The following CEP170B variants were observed in gnomAD, a reference collection of about 807,000 sequenced individuals.
CEP170B encodes centrosomal protein 170B.
Under a neutral mutation model 120.6 loss-of-function variants are expected in CEP170B, and 55 were observed. That is an observed-to-expected ratio of 0.46 (90% CI 0.37 to 0.57). The LOEUF is 0.57. CEP170B is among the 20% of genes least tolerant of loss of function. The pLI is 0.00. For missense variants in CEP170B, 2,212 were observed against 2,253.3 expected, an observed-to-expected ratio of 0.98 and a Z score of 0.37; for synonymous variants, 1,033 against 954.5, an observed-to-expected ratio of 1.08 and a Z score of -1.52.
rs778584880 is a variant in CEP170B, at chr14:104,893,590, G to A, written c.4106G>A (p.Arg1369Gln). 1.6e-5 allele frequency: 26 copies of A among 1,603,316 alleles called. No homozygotes were observed. Among genetic ancestry groups the A allele is most frequent in the Admixed American group, 3.4e-5 (2 of 58,840 alleles). Reference protein sequence around the residue: ...QKVPPGSLNSRDFDQNMNDSC... With the variant: ...QKVPPGSLNSQDFDQNMNDSC... The stretch of plus-strand genomic sequence containing the variant: ...GTGCCGCCCGGCTCGCTGAACTCTC[G>A]GGACTTTGACCAGAACATGAACGAC... The change falls in exon 15 of 19, where the codon CGG becomes CAG. Residue 1369 changes from arginine (R) to glutamine (Q), a missense_variant. By Grantham distance (43) the Arg-to-Gln change is conservative. Transcript: ENST00000414716.
chr14:104,887,638 C>T lies in CEP170B; in HGVS notation c.3399C>T (p.Asp1133=), dbSNP rs1274914097. 4 of 1,557,004 alleles carry T rather than the reference C, an allele frequency of 2.6e-6. No homozygotes were observed. The highest frequency in any genetic ancestry group is 1.4e-5 in the African/African-American group (1 of 73,746). The change falls in exon 12 of 19, where the codon GAC becomes GAT. Residue 1133 remains aspartate (D), a synonymous_variant. Coordinates refer to ENST00000414716, the MANE Select transcript of CEP170B (RefSeq NM_001112726.3). The part of the protein sequence containing the change: ...ASRLRRARLG[D]ASDTEAADGE... Reference sequence around the variant, plus strand: ...GGCTGAGGCGGGCCCGGCTGGGGGACGCTTCAGACACTGAGGCTGCGGATG... The same window carrying T: ...GGCTGAGGCGGGCCCGGCTGGGGGATGCTTCAGACACTGAGGCTGCGGATG...
intron 6 of CEP170B, among the ~76,000 whole-genome samples, chr14:104,881,684 G>A (rs4983392): frequency 0.42 from 64,475 of 151,802 alleles, 16,518 homozygotes; most frequent in Middle Eastern, 0.66. Context: ...CCGTTAGAGC[G>A]AGGGCAGCAC....
rs1167588086 is a variant in CEP170B at position 104,895,756 on chromosome 14, CTG to C, written c.*800_*801del. On this transcript the variant is annotated 3_prime_UTR_variant, in exon 19 of 19. Transcript: ENST00000414716. ...TGTCCCCGTGAGGGGCTATGGGCCTCTGTAGGTGGGCTTCCAAGGTCCTGGGT... is the reference window on the plus strand; with the variant it reads ...TGTCCCCGTGAGGGGCTATGGGCCTCTAGGTGGGCTTCCAAGGTCCTGGGT... 6.6e-6 allele frequency: 1 copy of C among 152,608 alleles called. No individual in the cohort carries two copies. The highest frequency in any genetic ancestry group is 1.5e-5 in the Non-Finnish European group (1 of 68,212). 9.5% of individuals were successfully genotyped at this position (152,608 alleles called of 1,614,324 possible).
At position 104,887,327 on chromosome 14, in the gene CEP170B, GC is replaced by G. The variant is rs1896578499; in HGVS notation, c.3090del (p.Ile1031Ter). On this transcript the variant is annotated frameshift_variant, in exon 12 of 19. Coordinates refer to ENST00000414716, the MANE Select transcript of CEP170B (RefSeq NM_001112726.3). LOFTEE classifies it high-confidence loss of function. ...MGRGEPVRRS[A>X]IRRGHRPRGS... ...CCGTGGAGAGCCGGTACGGCGCTCA[GC>G]CATAAGGCGTGGCCACAGGCCCCGA... 6.2e-7 allele frequency: 1 copy of G among 1,611,054 alleles called. No homozygotes were observed. The highest frequency in any genetic ancestry group is 1.3e-5 in the African/African-American group (1 of 75,048).
intron 2 of CEP170B, among the ~76,000 whole-genome samples, chr14:104,872,390 G>C (rs1895590162): frequency 9.3e-6 from 1 of 107,378 alleles, no homozygotes; most frequent in African/African-American, 3.0e-5. Flanking sequence ...GTGCATGTGT[G>C]CCGTGGGTGT....
In CEP170B at chr14:104,865,609, G is replaced by A. The variant is rs1342151627; in HGVS notation, c.-28+96G>A. ...TCTCACGGGGCGCGGGGTCCCGGCC[G>A]AGGCCGGACAAAGGCGCGGGGGTTG... On this transcript the variant is annotated intron_variant, in intron 1 of 18. Transcript: ENST00000414716. This position sits in a 1 kb window ranked among gnomAD's most constrained non-coding sequence, Gnocchi z 6.7. The A allele has an allele frequency of 6.6e-6, 1 of 151,284 alleles. No homozygotes were observed. Among genetic ancestry groups the A allele is most frequent in the Admixed American group, 6.6e-5 (1 of 15,174 alleles). The allele number at this position is 151,284 out of a possible 1,614,324, so 9.4% of individuals were successfully genotyped here.
In CEP170B at chr14:104,896,580, T is replaced by C. The variant is rs1440692942; in HGVS notation, c.*1622T>C. ...TCCCCACACTGAGCTCCTTTGTTCC[T>C]CCCCCTCCAGCCTTTGCCTGGGAAC... is the stretch of plus-strand genomic sequence containing the variant. On this transcript the variant is annotated 3_prime_UTR_variant, in exon 19 of 19. Transcript: ENST00000414716. 2.2e-6 allele frequency: 1 copy of C among 455,622 alleles called. No homozygotes were observed. The highest frequency in any genetic ancestry group is 2.0e-5 in the African/African-American group (1 of 49,890). The allele number at this position is 455,622 out of a possible 1,614,324, so 28.2% of individuals were successfully genotyped here. A position where few individuals can be genotyped will look rare whatever the true frequency, so the allele number is the denominator to read the frequency against.
chr14:104,885,673 G>A lies in CEP170B; in HGVS notation c.1944+131G>A, dbSNP rs1896447451. On this transcript the variant is annotated intron_variant, in intron 10 of 18. Coordinates refer to ENST00000414716, the MANE Select transcript of CEP170B (RefSeq NM_001112726.3). ...CCTCTGAGGGACACGCTCAGAGGAG[G>A]GTGGGCTGGGGCTTCCATGAGGAGG... 4 of 1,245,916 alleles carry A rather than the reference G, an allele frequency of 3.2e-6. No homozygotes were observed. In the African/African-American group the frequency reaches 4.6e-5, roughly 14 times the overall value. The allele number at this position is 1,245,916 out of a possible 1,614,324, so 77.2% of individuals were successfully genotyped here.
Position 104,880,383 on chromosome 14 carries a change from T to A in CEP170B, c.430T>A (p.Ser144Thr). The change falls in exon 6 of 19, where the codon TCG becomes ACG. Residue 144 changes from serine to threonine, a missense_variant. By Grantham distance (58) the Ser-to-Thr change is moderately conservative. Transcript: ENST00000414716. ...GGAACACACACCATACTGCGAGGCC[T>A]CGAACCCCAGGCCGGAGAAGGGGGA... ...LPEHTPYCEA[S>T]NPRPEKGDRR... The A allele has an allele frequency of 6.2e-7, 1 of 1,612,578 alleles. No homozygotes were observed.
At position 104,867,771 on chromosome 14, in the gene CEP170B, T is replaced by C. The variant is rs529149368; in HGVS notation, c.-27-653T>C. On this transcript the variant is annotated intron_variant, in intron 1 of 18. Coordinates refer to ENST00000414716, the MANE Select transcript of CEP170B (RefSeq NM_001112726.3). This position sits in a 1 kb window ranked among gnomAD's most constrained non-coding sequence, Gnocchi z 5.4. ...TATGGGCACCAAAGCCTCACTTCCC[T>C]CTTGGGCACTGAAGGGGCTGCCTGA... Among the ~76,000 whole-genome samples, 2 of 152,132 alleles carry C rather than the reference T, an allele frequency of 1.3e-5. No homozygotes were observed. Among genetic ancestry groups the C allele is most frequent in the East Asian group, 1.9e-4 (1 of 5,172 alleles).
chr14:104,894,072 A>G, intron 16 of CEP170B: 2 of 651,530 alleles, frequency 3.1e-6, no homozygotes, highest in South Asian at 3.7e-5. Context: ...CTTCTCCCCT[A>G]GCCCTCATCC....
intron 2 of CEP170B, among the ~76,000 whole-genome samples, chr14:104,874,235 A>T (rs2140646361): frequency 6.6e-6 from 1 of 152,302 alleles, no homozygotes; most frequent in Admixed American, 6.5e-5. Flanking sequence ...GATGTCTGGC[A>T]TCACCCACCC....
Position 104,865,950 on chromosome 14 carries a change from T to A in CEP170B, c.-28+437T>A, listed in dbSNP as rs1376639015. On this transcript the variant is annotated intron_variant, in intron 1 of 18. Coordinates refer to ENST00000414716, the MANE Select transcript of CEP170B (RefSeq NM_001112726.3). This position sits in a 1 kb window ranked among gnomAD's most constrained non-coding sequence, Gnocchi z 6.7. ...TTTCCCTTCGCCGCCGTCTCCCCGC[T>A]GTCCCTGCCTCTCCCGGCCTGTGCG... Among the ~76,000 whole-genome samples, 1 of 152,088 alleles carries A rather than the reference T, an allele frequency of 6.6e-6. No homozygotes were observed. The highest frequency in any genetic ancestry group is 1.5e-5 in the Non-Finnish European group (1 of 68,000).
Position 104,886,660 on chromosome 14 carries a change from G to A in CEP170B, c.2421G>A (p.Val807=). The stretch of plus-strand genomic sequence containing the variant: ...TTGGGGACCAGAATGGGGACGCTGT[G>A]TTATCTAGGAAACCGCTTGCGGCTC... ...FFIGDQNGDA[V]LSRKPLAAPG... Residue 807 remains valine (V), a synonymous_variant, in exon 12 of 19, where the codon GTG becomes GTA. Transcript: ENST00000414716. 6.5e-7 allele frequency: 1 copy of A among 1,536,462 alleles called. No homozygotes were observed. Among genetic ancestry groups the A allele is most frequent in the Non-Finnish European group, 8.7e-7 (1 of 1,144,628 alleles).
Position 104,870,683 on chromosome 14 carries a change from G to A in CEP170B, c.105+2128G>A, listed in dbSNP as rs372125696. Among the ~76,000 whole-genome samples, 12 of 152,294 alleles carry A rather than the reference G, an allele frequency of 7.9e-5. No individual in the cohort carries two copies. Among genetic ancestry groups the A allele is most frequent in the African/African-American group, 2.9e-4 (12 of 41,536 alleles). ...GGTGCTCAGGGTGAGTTTGGGGTCCGATTCCGAGTTTCTGCACCTGTCAGT... is the reference window on the plus strand; with the variant it reads ...GGTGCTCAGGGTGAGTTTGGGGTCCAATTCCGAGTTTCTGCACCTGTCAGT... On this transcript the variant is annotated intron_variant, in intron 2 of 18. Transcript: ENST00000414716. The surrounding 1 kb of genome is among the most constrained non-coding windows in gnomAD (Gnocchi z 4.1).
chr14:104,887,109 ACACAGCCAG>A lies in CEP170B; in HGVS notation c.2874_2882del (p.Ala959_Thr961del), dbSNP rs1458796905. Reference sequence around the variant, plus strand: ...GCCCTGTCTGGGGACTCGGACGTGGACACAGCCAGCACCGTCAGCCTGCGTAGTGGCAAG... The same window carrying A: ...GCCCTGTCTGGGGACTCGGACGTGGACACCGTCAGCCTGCGTAGTGGCAAG... On this transcript the variant is annotated inframe_deletion, in exon 12 of 19. Coordinates refer to ENST00000414716, the MANE Select transcript of CEP170B (RefSeq NM_001112726.3). The A allele has an allele frequency of 6.2e-7, 1 of 1,611,138 alleles. No homozygotes were observed. The highest frequency in any genetic ancestry group is 8.5e-7 in the Non-Finnish European group (1 of 1,179,666).
intron 2 of CEP170B, among the ~76,000 whole-genome samples, chr14:104,872,533 T>C (rs2140638864): frequency 6.6e-6 from 1 of 151,914 alleles, no homozygotes; most frequent in Non-Finnish European, 1.5e-5. Context: ...TACATGTGCA[T>C]GTCTGTAGGT....
rs546073459 is a variant in CEP170B, at chr14:104,896,512, G to A, written c.*1554G>A. 8.2e-5 allele frequency: 37 copies of A among 450,014 alleles called. 1 individual carries two copies. The East Asian group carries it at 2.5e-3, about 30-fold the overall frequency. 27.9% of individuals were successfully genotyped at this position (450,014 alleles called of 1,614,324 possible). ...CATCCACGGCTCCTTCCCACCCCTC[G>A]GCAGTGGCTGTGCAATGTTTTAAGT... On this transcript the variant is annotated 3_prime_UTR_variant, in exon 19 of 19. Coordinates refer to ENST00000414716, the MANE Select transcript of CEP170B (RefSeq NM_001112726.3).
At chr14:104,879,049 C>T (rs1177288938) in intron 5 of CEP170B, among the ~76,000 whole-genome samples, 1 of 152,168 alleles carries the variant, frequency 6.6e-6, no homozygotes, top group Non-Finnish European at 1.5e-5. Flanking sequence ...CCTGAGCCCC[C>T]CAGCATCTTT....
Sources: gnomAD v4.1 joint callset for allele counts (sites outside exome capture counted in the v4.1 genomes callset) on GRCh38, gnomAD v4.1.1 for gene constraint, Gnocchi (gnomAD v3.1) non-coding constraint, MANE v1.5 for transcripts, NCBI Gene and HGNC (gene_info 2026-07-23, HGNC 2026-07-21) for gene names.